The following OR52H1 variants were observed in gnomAD, a reference collection of about 807,000 sequenced individuals.
OR52H1 encodes the protein olfactory receptor family 52 subfamily H member 1, also known as olfactory receptor 52H1.
For synonymous variants in OR52H1, 148 were observed against 138.6 expected (o/e 1.07, Z -0.48); for missense variants, 383 against 396.4 (o/e 0.97, Z 0.29).
Position 5,545,351 on chromosome 11 carries a change from A to G in OR52H1, c.155T>C (p.Val52Ala), listed in dbSNP as rs772750538. ...GGGTTCATGAAGACTATGCTCCACC[A>G]CAATGAGGTAGAGAAGGATGCAGTT... ...VGNCILLYLI[V>A]VEHSLHEPMF... The change falls in exon 2 of 2, where the codon GTG becomes GCG. Residue 52 changes from valine to alanine, a missense_variant. Val to Ala is a moderately conservative substitution (Grantham distance 64). Transcript: ENST00000322653. The G allele has an allele frequency of 6.2e-7, 1 of 1,614,012 alleles. No homozygotes were observed. The highest frequency in any genetic ancestry group is 8.5e-7 in the Non-Finnish European group (1 of 1,179,834).
rs1846826792 is a variant in OR52H1 at position 5,544,877 on chromosome 11, A to G, written c.629T>C (p.Ile210Thr). The G allele has an allele frequency of 6.2e-7, 1 of 1,613,934 alleles. No individual in the cohort carries two copies. Among genetic ancestry groups the G allele is most frequent in the African/African-American group, 1.3e-5 (1 of 74,912 alleles). ...AACAGCAATGAGAATCACATCTGAG[A>G]TGACCGTCATGATGGGAACACAAAA... ...YGFCVPIMTV[I>T]SDVILIAVSY... Residue 210 changes from isoleucine to threonine, a missense_variant, in exon 2 of 2, where the codon ATC becomes ACC. Physicochemically the swap from Ile to Thr is moderately conservative, Grantham distance 89. Transcript: ENST00000322653.
rs761695662 is a variant in OR52H1 at position 5,545,194 on chromosome 11, G to C, written c.312C>G (p.Phe104Leu). ...CCAGGACAAAGTTATAGTGAAGGAA[G>C]AACATTTGTGTAAGGCATCCTGGGA... ...ITFPGCLTQM[F>L]FLHYNFVLDS... Residue 104 changes from phenylalanine to leucine, a missense_variant, in exon 2 of 2, where the codon TTC becomes TTG. Transcript: ENST00000322653. The C allele has an allele frequency of 1.1e-5, 18 of 1,614,040 alleles. No individual in the cohort carries two copies. In the East Asian group the frequency reaches 3.8e-4, roughly 34 times the overall value.
intron 1 of OR52H1, among the ~76,000 whole-genome samples, chr11:5,546,729 G>A (rs1281710370): frequency 6.6e-6 from 1 of 152,112 alleles, no homozygotes; most frequent in Non-Finnish European, 1.5e-5. Flanking sequence ...TACAACAGAT[G>A]TTCATGAAGT....
In OR52H1 at chr11:5,544,881, CCGTCATGATGGGAA is replaced by C. The variant is rs1564845333; in HGVS notation, c.611_624del (p.Val204GlyfsTer96). ...GCAATGAGAATCACATCTGAGATGA[CCGTCATGATGGGAA>C]CACAAAAGCCATACCAGAAGTTGAT... On this transcript the variant is annotated frameshift_variant, in exon 2 of 2. Transcript: ENST00000322653. LOFTEE classifies it low-confidence loss of function (END_TRUNC). 1.9e-6 allele frequency: 3 copies of C among 1,613,982 alleles called. No homozygotes were observed. The highest frequency in any genetic ancestry group is 2.5e-6 in the Non-Finnish European group (3 of 1,179,928).
chr11:5,546,577 C>G (rs991774244), intron 1 of OR52H1, among the ~76,000 whole-genome samples: 4 of 152,108 alleles, frequency 2.6e-5, no homozygotes, highest in Non-Finnish European at 5.9e-5. Context: ...ATTCCTAAAA[C>G]CTCTCCACTG....
At chr11:5,547,217 A>C (rs1268684237) in intron 1 of OR52H1, among the ~76,000 whole-genome samples, 1 of 152,120 alleles carries the variant, frequency 6.6e-6, no homozygotes, top group Admixed American at 6.5e-5. Flanking sequence ...CAGCCTCCCA[A>C]AGTGCTGGGA....
At position 5,544,661 on chromosome 11, in the gene OR52H1, T is replaced by C. The variant is rs753923904; in HGVS notation, c.845A>G (p.Tyr282Cys). The C allele has an allele frequency of 1.9e-6, 3 of 1,614,100 alleles. No individual in the cohort carries two copies. Among genetic ancestry groups the C allele is most frequent in the East Asian group, 2.2e-5 (1 of 44,878 alleles). ...GTTGAGTGCAGGTGGGATAACAATG[T>C]AGAGATTGGCAAACATGATGTGGAA... ...RTFHIMFANL[Y>C]IVIPPALNPM... Residue 282 changes from tyrosine to cysteine, a missense_variant, in exon 2 of 2, where the codon TAC (tyrosine) becomes TGC (cysteine). Transcript: ENST00000322653.
At chr11:5,548,156 G>A (rs935649917) in intron 1 of OR52H1, among the ~76,000 whole-genome samples, 27 of 152,290 alleles carry the variant, frequency 1.8e-4, no homozygotes, top group African/African-American at 6.5e-4. Context: ...TACATTTTAA[G>A]TTAGAGTTAT....
Position 5,544,836 on chromosome 11 carries a change from G to C in OR52H1, c.670C>G (p.Leu224Val), listed in dbSNP as rs746469884. The part of the protein sequence containing the change: ...ILIAVSYAHI[L>V]CAVFGLPSQD... ...GAGGGAAGGCCAAAGACAGCACAGA[G>C]GATGTGTGCGTAGGAAACAGCAATG... The change falls in exon 2 of 2, where the codon CTC becomes GTC. Residue 224 changes from leucine (L) to valine (V), a missense_variant. Leu to Val is a conservative substitution (Grantham distance 32). Coordinates refer to ENST00000322653, the MANE Select transcript of OR52H1 (RefSeq NM_001005289.5). 5.6e-6 allele frequency: 9 copies of C among 1,614,040 alleles called. No individual in the cohort carries two copies. Among genetic ancestry groups the C allele is most frequent in the Non-Finnish European group, 7.6e-6 (9 of 1,180,002 alleles).
At position 5,544,742 on chromosome 11, in the gene OR52H1, G is replaced by A; in HGVS notation, c.764C>T (p.Thr255Ile). 1 of 1,614,154 alleles carries A rather than the reference G, an allele frequency of 6.2e-7. No homozygotes were observed. Among genetic ancestry groups the A allele is most frequent in the Non-Finnish European group, 8.5e-7 (1 of 1,180,016 alleles). ...SHVCVILMFY[T>I]PAFFSILAHR... ...GGCGAGGATGGAGAAAAAGGCAGGT[G>A]TATAAAACATGAGGATGACACAGAC... is the stretch of plus-strand genomic sequence containing the variant. Residue 255 changes from threonine to isoleucine, a missense_variant, in exon 2 of 2, where the codon ACA (threonine) becomes ATA (isoleucine). Coordinates refer to ENST00000322653, the MANE Select transcript of OR52H1 (RefSeq NM_001005289.5).
chr11:5,547,384 A>G (rs1252360471), intron 1 of OR52H1, among the ~76,000 whole-genome samples: 2 of 152,234 alleles, frequency 1.3e-5, no homozygotes, highest in South Asian at 2.1e-4. Context: ...TAATTTTATC[A>G]GCAATAATTA....
intron 1 of OR52H1, among the ~76,000 whole-genome samples, chr11:5,547,264 A>G (rs1383540535): frequency 2.0e-5 from 3 of 152,202 alleles, no homozygotes; most frequent in Non-Finnish European, 2.9e-5. Flanking sequence ...CCTGCAGTGT[A>G]GTTCTTGATT....
In OR52H1 at chr11:5,545,308, G is replaced by A; in HGVS notation, c.198C>T (p.Ser66=). The A allele has an allele frequency of 6.2e-7, 1 of 1,614,158 alleles. No homozygotes were observed. ...AGATGAGGTCAGTCATGGCCAGCAT[G>A]GAGAGAAAGAAGAACATGGGTTCAT... ...SLHEPMFFFL[S]MLAMTDLILS... Residue 66 remains serine (S), a synonymous_variant, in exon 2 of 2, where the codon TCC becomes TCT. Transcript: ENST00000322653.
At chr11:5,546,935 A>G (rs1468522818) in intron 1 of OR52H1, among the ~76,000 whole-genome samples, 1 of 152,212 alleles carries the variant, frequency 6.6e-6, no homozygotes, top group African/African-American at 2.4e-5. Flanking sequence ...AGAGAAAAAC[A>G]AATAAATGCA....
At position 5,545,210 on chromosome 11, in the gene OR52H1, C is replaced by A. The variant is rs79009278; in HGVS notation, c.296G>T (p.Cys99Phe). The change falls in exon 2 of 2, where the codon TGC becomes TTC. Residue 99 changes from cysteine (C) to phenylalanine (F), a missense_variant. Coordinates refer to ENST00000322653, the MANE Select transcript of OR52H1 (RefSeq NM_001005289.5). Reference sequence around the variant, plus strand: ...GTGAAGGAAGAACATTTGTGTAAGGCATCCTGGGAATGTGATTTCGCGAGC... The same window carrying A: ...GTGAAGGAAGAACATTTGTGTAAGGAATCCTGGGAATGTGATTTCGCGAGC... ...LGAREITFPG[C>F]LTQMFFLHYN... The A allele has an allele frequency of 3.2e-3, 5,107 of 1,614,112 alleles. 78 individuals carry two copies. In the African/African-American group the frequency reaches 0.039, roughly 12 times the overall value.
chr11:5,545,595 A>C, intron 1 of OR52H1, 60 bp from the exon 2 acceptor site: 1 of 1,417,850 alleles, frequency 7.1e-7, no homozygotes, highest in Non-Finnish European at 9.6e-7. Flanking sequence ...CTTTCAACTA[A>C]TTATAATTAT....
At chr11:5,546,767 G>A (rs145710266) in intron 1 of OR52H1, among the ~76,000 whole-genome samples, 4 of 97,524 alleles carry the variant, frequency 4.1e-5, no homozygotes, top group South Asian at 4.5e-4. Context: ...AAACACACAC[G>A]GGTGCACAGA....
intron 1 of OR52H1, among the ~76,000 whole-genome samples, chr11:5,547,894 C>G (rs963355488): frequency 1.3e-5 from 2 of 152,226 alleles, no homozygotes; most frequent in Non-Finnish European, 2.9e-5. Context: ...ATCCACCTGC[C>G]TCAGCCTCCC....
rs1184296956 is a variant in OR52H1 at position 5,544,869 on chromosome 11, C to T, written c.637G>A (p.Val213Met). ...CVPIMTVISD[V>M]ILIAVSYAHI... ...GCGTAGGAAACAGCAATGAGAATCA[C>T]ATCTGAGATGACCGTCATGATGGGA... The change falls in exon 2 of 2, where the codon GTG (valine) becomes ATG (methionine). Residue 213 changes from valine to methionine, a missense_variant. Physicochemically the swap from Val to Met is conservative, Grantham distance 21 (BLOSUM62 1). Coordinates refer to ENST00000322653, the MANE Select transcript of OR52H1 (RefSeq NM_001005289.5). 5 of 1,613,918 alleles carry T rather than the reference C, an allele frequency of 3.1e-6. No homozygotes were observed. Among genetic ancestry groups the T allele is most frequent in the Non-Finnish European group, 4.2e-6 (5 of 1,179,952 alleles).
Sources: allele counts gnomAD v4.1 joint callset (sites outside exome capture counted in the v4.1 genomes callset), GRCh38; gene constraint gnomAD v4.1.1; transcripts MANE v1.5; gene names NCBI Gene and HGNC (gene_info 2026-07-23, HGNC 2026-07-21).